ZCCHC24: variants seen among roughly 807,000 people sequenced by gnomAD.
ZCCHC24 encodes zinc finger CCHC domain-containing protein 24.
ZCCHC24 carries 10 observed loss-of-function variants against 26.2 expected under a neutral mutation model. The ratio of observed to expected loss-of-function variants is 0.38; its 90% CI spans 0.24 to 0.65. The LOEUF (loss-of-function observed/expected upper bound fraction) is 0.65. Ranked by LOEUF, ZCCHC24 falls within the 30% of genes least tolerant of loss-of-function variation. The pLI is 0.54. For synonymous variants in ZCCHC24, 144 were observed against 147.1 expected (o/e 0.98, Z 0.15); for missense variants, 243 against 329.1 (o/e 0.74, Z 2.03).
intron 2 of ZCCHC24, among the ~76,000 whole-genome samples, chr10:79,420,774 AAATAAT>A (rs146644258): frequency 1.2e-4 from 18 of 151,350 alleles, no homozygotes; most frequent in African/African-American, 4.1e-4. Flanking sequence ...TTCTATCTCA[AAATAAT>A]AATAATAATA....
At chr10:79,439,464 G>A (rs983150893) in intron 1 of ZCCHC24, among the ~76,000 whole-genome samples, 4 of 152,118 alleles carry the variant, frequency 2.6e-5, no homozygotes, top group Admixed American at 2.0e-4. Flanking sequence ...ACCCACCCAC[G>A]TAGAAAACAT....
At chr10:79,426,756 T>C (rs956840344) in intron 2 of ZCCHC24, among the ~76,000 whole-genome samples, 1 of 152,230 alleles carries the variant, frequency 6.6e-6, no homozygotes, top group African/African-American at 2.4e-5. Flanking sequence ...ATTTATTGTG[T>C]TATTCTTTAG....
chr10:79,397,081 C>T (rs1239069660), intron 2 of ZCCHC24, among the ~76,000 whole-genome samples: 1 of 152,238 alleles, frequency 6.6e-6, no homozygotes, highest in Non-Finnish European at 1.5e-5. Flanking sequence ...GCCATTACTA[C>T]CACTTGGTGA....
intron 1 of ZCCHC24, among the ~76,000 whole-genome samples, chr10:79,433,485 G>A (rs1328741175): frequency 1.3e-5 from 2 of 152,304 alleles, no homozygotes; most frequent in East Asian, 1.9e-4. Context: ...GCCCCCTCCT[G>A]GTATATACAG....
intron 3 of ZCCHC24, among the ~76,000 whole-genome samples, chr10:79,388,185 A>G (rs1196059659): frequency 2.0e-5 from 3 of 152,124 alleles, no homozygotes; most frequent in African/African-American, 7.2e-5. Context: ...GCTTGTTCTC[A>G]CCAGACAACT....
chr10:79,425,603 T>C (rs1857016103), intron 2 of ZCCHC24, among the ~76,000 whole-genome samples: 1 of 152,230 alleles, frequency 6.6e-6, no homozygotes, highest in African/African-American at 2.4e-5. Context: ...CCAGCTTTGA[T>C]ATTCACTAGC....
In ZCCHC24 at chr10:79,430,054, T is replaced by A. The variant is rs1464584953; in HGVS notation, c.447+2504A>T. Among the ~76,000 whole-genome samples the A allele has an allele frequency of 4.6e-5, 7 of 152,172 alleles. No homozygotes were observed. In the East Asian group the frequency reaches 1.2e-3, roughly 25 times the overall value. On this transcript the variant is annotated intron_variant, in intron 2 of 3. Transcript: ENST00000372336. Reference sequence around the variant, plus strand: ...CCCAAATACCTAGTGCCTTGCCAGATGGGTGCACTCTTCATAGTGACCCAA... The same window carrying A: ...CCCAAATACCTAGTGCCTTGCCAGAAGGGTGCACTCTTCATAGTGACCCAA...
intron 2 of ZCCHC24, chr10:79,403,602 G>A (rs774227841): frequency 3.1e-5 from 31 of 985,274 alleles, no homozygotes; most frequent in Non-Finnish European, 3.6e-5. Context: ...GGCCACCCGG[G>A]GCTTCCTCTG....
chr10:79,386,493 G>A (rs1417807324), intron 3 of ZCCHC24, 35 bp from the exon 4 acceptor site: 3 of 1,521,780 alleles, frequency 2.0e-6, no homozygotes, highest in Non-Finnish European at 2.7e-6. Flanking sequence ...CCAGGGGAGT[G>A]AGGGGAGAGA....
chr10:79,399,083 T>TCAGCCCAGCC (rs1255727120), intron 2 of ZCCHC24, among the ~76,000 whole-genome samples: 1 of 152,094 alleles, frequency 6.6e-6, no homozygotes, highest in Admixed American at 6.5e-5. Context: ...GGGCCTCCCC[T>TCAGCCCAGCC]CAGCCCAGTC....
rs1857351634 is a variant in ZCCHC24, at chr10:79,445,346, T to C, written c.95A>G (p.His32Arg). ...GAAGGCATCGAAGGCGCTAGCCTGG[T>C]GCGTGTCCTGCAGCGACAGGTAGAC... is the stretch of plus-strand genomic sequence containing the variant. ...NWVYLSLQDT[H>R]QASAFDAFRP... The change falls in exon 1 of 4, where the codon CAC (histidine) becomes CGC (arginine). Residue 32 changes from histidine (H) to arginine (R), a missense_variant. Transcript: ENST00000372336. 9 of 1,535,336 alleles carry C rather than the reference T, an allele frequency of 5.9e-6. No individual in the cohort carries two copies. The highest frequency in any genetic ancestry group is 7.9e-6 in the Non-Finnish European group (9 of 1,143,916).
At chr10:79,421,867 G>A (rs979370747) in intron 2 of ZCCHC24, among the ~76,000 whole-genome samples, 2 of 152,064 alleles carry the variant, frequency 1.3e-5, no homozygotes, top group Non-Finnish European at 2.9e-5. Flanking sequence ...GACCTCAGGC[G>A]ATCTGCTCAC....
chr10:79,391,954 G>T (rs1184049737), intron 3 of ZCCHC24, among the ~76,000 whole-genome samples: 1 of 151,282 alleles, frequency 6.6e-6, no homozygotes, highest in African/African-American at 2.4e-5. Context: ...CTAGACTTGG[G>T]CTTCTTCAGA....
At chr10:79,419,509 T>C (rs1856911023) in intron 2 of ZCCHC24, among the ~76,000 whole-genome samples, 1 of 152,180 alleles carries the variant, frequency 6.6e-6, no homozygotes, top group African/African-American at 2.4e-5. Flanking sequence ...AGCCAGAACC[T>C]TCCCCGGAGT....
At chr10:79,434,104 C>A (rs902401765) in intron 1 of ZCCHC24, among the ~76,000 whole-genome samples, 1 of 152,226 alleles carries the variant, frequency 6.6e-6, no homozygotes, top group African/African-American at 2.4e-5. Context: ...GTGACCACAG[C>A]CCTTTCCTTC....
intron 2 of ZCCHC24, among the ~76,000 whole-genome samples, chr10:79,418,511 G>C (rs1856894593): frequency 6.6e-6 from 1 of 152,204 alleles, no homozygotes; most frequent in South Asian, 2.1e-4. Context: ...GACTCACCAA[G>C]GCAGGAGCAC....
At chr10:79,387,212 G>A (rs143740197) in intron 3 of ZCCHC24, among the ~76,000 whole-genome samples, 3 of 152,236 alleles carry the variant, frequency 2.0e-5, no homozygotes, top group South Asian at 2.1e-4. Flanking sequence ...GTGACTTGCC[G>A]GGCCTGTCCT....
At chr10:79,441,795 T>C (rs1161641472) in intron 1 of ZCCHC24, among the ~76,000 whole-genome samples, 1 of 152,154 alleles carries the variant, frequency 6.6e-6, no homozygotes, top group Non-Finnish European at 1.5e-5. Flanking sequence ...GCTACGTCTG[T>C]CCCTGGAGAA....
intron 3 of ZCCHC24, among the ~76,000 whole-genome samples, chr10:79,387,952 G>A (rs1006910417): frequency 1.3e-5 from 2 of 152,200 alleles, no homozygotes; most frequent in Admixed American, 1.3e-4. Flanking sequence ...TGGAGGGAAA[G>A]ACAGGCACGT....
Sources: allele counts gnomAD v4.1 joint callset (sites outside exome capture counted in the v4.1 genomes callset), GRCh38; gene constraint gnomAD v4.1.1; transcripts MANE v1.5; gene names NCBI Gene and HGNC (gene_info 2026-07-23, HGNC 2026-07-21).